The following NUFIP2 variants were observed in gnomAD, a reference collection of about 807,000 sequenced individuals.
The protein encoded by NUFIP2 is nuclear FMR1 interacting protein 2, also known as FMR1-interacting protein NUFIP2.
In NUFIP2, 6 loss-of-function variants were observed where a neutral mutation model predicts 56.9. The observed-to-expected ratio is 0.11, with a 90% CI of 0.06 to 0.21. The LOEUF (loss-of-function observed/expected upper bound fraction) is 0.21. Ranked by LOEUF, NUFIP2 falls within the 10% of genes least tolerant of loss-of-function variation. The probability of loss-of-function intolerance (pLI) is 1.00; values close to 1 mark genes in which losing one functional copy is unlikely to be tolerated. For synonymous variants in NUFIP2, 321 were observed against 298.2 expected (o/e 1.08, Z -0.79); for missense variants, 828 against 826.8 (o/e 1.00, Z -0.02).
Position 29,286,676 on chromosome 17 carries a change from C to T in NUFIP2, c.1318G>A (p.Ala440Thr). 2 of 1,614,136 alleles carry T rather than the reference C, an allele frequency of 1.2e-6. No individual in the cohort carries two copies. The highest frequency in any genetic ancestry group is 1.7e-6 in the Non-Finnish European group (2 of 1,180,014). The change falls in exon 2 of 4, where the codon GCT (alanine) becomes ACT (threonine). Residue 440 changes from alanine to threonine, a missense_variant. Ala to Thr is a moderately conservative substitution (Grantham distance 58). This residue lies in a region of NUFIP2 where 404 missense variants were observed against 380.3 expected (regional missense o/e 1.06). Coordinates refer to ENST00000225388, the MANE Select transcript of NUFIP2 (RefSeq NM_020772.3). The stretch of plus-strand genomic sequence containing the variant: ...GAAGAGATGGGTGTTAGAGTATTAG[C>T]AGCAGTAGTTAGCAGTGGCTGACCC... ...PGGQPLLTTAANTLTPISSGT... is the reference protein window; with the variant it reads ...PGGQPLLTTATNTLTPISSGT...
intron 2 of NUFIP2, among the ~76,000 whole-genome samples, chr17:29,268,689 GTATA>G (rs1364198052): frequency 6.6e-6 from 1 of 151,526 alleles, no homozygotes; most frequent in Non-Finnish European, 1.5e-5. Flanking sequence ...AGATAATTTT[GTATA>G]TATATATTTT....
rs567056672 is a variant in NUFIP2 at position 29,292,172 on chromosome 17, A to G, written c.277+1611T>C. 2.6e-4 allele frequency among the ~76,000 whole-genome samples: 39 copies of G among 152,286 alleles called. No individual in the cohort carries two copies. In the South Asian group the frequency reaches 8.1e-3, roughly 32 times the overall value. ...TTTGGGGATCAATATCGATTTTAAA[A>G]TACGAAAAACACCTTTCTTTTTAAC... On this transcript the variant is annotated intron_variant, in intron 1 of 3. Coordinates refer to ENST00000225388, the MANE Select transcript of NUFIP2 (RefSeq NM_020772.3).
rs774314746 is a variant in NUFIP2 at position 29,294,086 on chromosome 17, A to G, written c.-27T>C. 5 of 1,572,904 alleles carry G rather than the reference A, an allele frequency of 3.2e-6. No individual in the cohort carries two copies. The highest frequency in any genetic ancestry group is 2.7e-5 in the African/African-American group (2 of 74,376). ...GAAAGCGGCTGGGACTCCCTGGCTG[A>G]GGCTGCGGGCTGCTGCACCGTCAGG... On this transcript the variant is annotated 5_prime_UTR_variant, in exon 1 of 4. Transcript: ENST00000225388.
intron 2 of NUFIP2, among the ~76,000 whole-genome samples, chr17:29,281,140 A>C (rs2069137203): frequency 6.7e-6 from 1 of 149,378 alleles, no homozygotes; most frequent in South Asian, 2.1e-4. Context: ...ATATGTATAT[A>C]TACATATATA....
Position 29,294,131 on chromosome 17 carries a change from G to A in NUFIP2, c.-72C>T, listed in dbSNP as rs142467294. 0.016 allele frequency: 24,599 copies of A among 1,521,862 alleles called. 271 individuals are homozygous for A. The highest frequency in any genetic ancestry group is 0.02 in the Middle Eastern group (88 of 4,494). 94.3% of individuals were successfully genotyped at this position (1,521,862 alleles called of 1,614,324 possible). A position where few individuals can be genotyped will look rare whatever the true frequency, so the allele number is the denominator to read the frequency against. ...GTCAGGATCTGAGACTGCTTCTCAGGGCTCACTCAGTATATCTGAGCGCGT... is the reference window on the plus strand; with the variant it reads ...GTCAGGATCTGAGACTGCTTCTCAGAGCTCACTCAGTATATCTGAGCGCGT... On this transcript the variant is annotated 5_prime_UTR_variant, in exon 1 of 4. Transcript: ENST00000225388.
intron 1 of NUFIP2, among the ~76,000 whole-genome samples, chr17:29,293,034 G>T (rs2069227825): frequency 6.6e-6 from 1 of 151,522 alleles, no homozygotes; most frequent in South Asian, 2.1e-4. Context: ...GGCCGGAGTC[G>T]GTGACAGGAA....
chr17:29,289,044 G>A lies in NUFIP2; in HGVS notation c.278-1328C>T, dbSNP rs1488047192. On this transcript the variant is annotated intron_variant, in intron 1 of 3. Transcript: ENST00000225388. ...TATACTCCCAGCTGGGGGAGCTGAG[G>A]GAGGAGGATAGCTTGAACCCAGGAG... Among the ~76,000 whole-genome samples the A allele has an allele frequency of 7.2e-5, 11 of 152,252 alleles. No homozygotes were observed. In the East Asian group the frequency reaches 1.9e-3, roughly 27 times the overall value.
intron 2 of NUFIP2, among the ~76,000 whole-genome samples, chr17:29,279,449 T>C (rs1216007634): frequency 6.6e-6 from 1 of 152,196 alleles, no homozygotes; most frequent in Non-Finnish European, 1.5e-5. Context: ...GATCTTCTAG[T>C]CAACAGAAAA....
rs1213793741 is a variant in NUFIP2, at chr17:29,259,785, GTTT to G, written c.*4751_*4753del. On this transcript the variant is annotated 3_prime_UTR_variant, in exon 4 of 4. Coordinates refer to ENST00000225388, the MANE Select transcript of NUFIP2 (RefSeq NM_020772.3). Reference sequence around the variant, plus strand: ...ACATACCAATCATGCTGCAATGGGTGTTTTTATTATGCAGACAACCGAAAATTC... The same window carrying G: ...ACATACCAATCATGCTGCAATGGGTGTTATTATGCAGACAACCGAAAATTC... 1 of 152,172 alleles carries G rather than the reference GTTT, an allele frequency of 6.6e-6. No homozygotes were observed. Among genetic ancestry groups the G allele is most frequent in the African/African-American group, 2.4e-5 (1 of 41,444 alleles). 9.4% of individuals were successfully genotyped at this position (152,172 alleles called of 1,614,324 possible). A position where few individuals can be genotyped will look rare whatever the true frequency, so the allele number is the denominator to read the frequency against.
intron 2 of NUFIP2, among the ~76,000 whole-genome samples, chr17:29,271,796 C>T (rs373009784): frequency 2.6e-5 from 4 of 151,874 alleles, no homozygotes; most frequent in East Asian, 1.9e-4. Context: ...CATGGCCGGG[C>T]GCGGTGGCTC....
At chr17:29,277,466 A>T (rs2069114662) in intron 2 of NUFIP2, among the ~76,000 whole-genome samples, 1 of 152,164 alleles carries the variant, frequency 6.6e-6, no homozygotes, top group African/African-American at 2.4e-5. Context: ...CCAATCCCTT[A>T]TTAAGCCATT....
In NUFIP2 at chr17:29,286,346, C is replaced by T. The variant is rs1477686857; in HGVS notation, c.1648G>A (p.Glu550Lys). 1.2e-6 allele frequency: 2 copies of T among 1,614,188 alleles called. No individual in the cohort carries two copies. The change falls in exon 2 of 4, where the codon GAA (glutamate) becomes AAA (lysine). Residue 550 changes from glutamate to lysine, a missense_variant. Around this residue, in one of 3 missense-constraint regions of NUFIP2, gnomAD observed 404 missense variants for 380.3 expected, o/e 1.06. Transcript: ENST00000225388. The stretch of plus-strand genomic sequence containing the variant: ...TGCTCAGTTCCTGAGGGAATTATTT[C>T]AGCACCCTGTGAAACCAAAGTAGCA... ...YPATLVSQGA[E>K]IIPSGTEHPV... is the part of the protein sequence containing the mutation.
rs555764057 is a variant in NUFIP2, at chr17:29,258,329, A to G, written c.*6210T>C. 6 of 152,320 alleles carry G rather than the reference A, an allele frequency of 3.9e-5. No homozygotes were observed. The South Asian group carries it at 1.0e-3, about 26-fold the overall frequency. The allele number at this position is 152,320 out of a possible 1,614,324, so 9.4% of individuals were successfully genotyped here. On this transcript the variant is annotated 3_prime_UTR_variant, in exon 4 of 4. Coordinates refer to ENST00000225388, the MANE Select transcript of NUFIP2 (RefSeq NM_020772.3). ...TTCTTCTTGTCAAGTAGCATTCACT[A>G]AAGTTTTCCTTTGCTAAGTAAAAAG...
At chr17:29,293,733 C>G in intron 1 of NUFIP2, 50 bp downstream of exon 1, 1 of 1,238,488 alleles carries the variant, frequency 8.1e-7, no homozygotes, top group Non-Finnish European at 1.1e-6. Context: ...CCCCATCTCT[C>G]CTGTCCTCCA....
At chr17:29,280,384 A>G (rs1408476349) in intron 2 of NUFIP2, among the ~76,000 whole-genome samples, 2 of 152,202 alleles carry the variant, frequency 1.3e-5, no homozygotes, top group East Asian at 1.9e-4. Context: ...GCATTCTGAG[A>G]TAACTACTTT....
In NUFIP2 at chr17:29,264,470, A is replaced by G; in HGVS notation, c.*69T>C. On this transcript the variant is annotated 3_prime_UTR_variant, in exon 4 of 4. Coordinates refer to ENST00000225388, the MANE Select transcript of NUFIP2 (RefSeq NM_020772.3). ...CTGCGTTGAAGATCTAGGAGCATAA[A>G]AGCCTTGTGTCCCCCATGAACGATG... is the stretch of plus-strand genomic sequence containing the variant. The G allele has an allele frequency of 9.9e-7, 1 of 1,006,692 alleles. No individual in the cohort carries two copies. The highest frequency in any genetic ancestry group is 1.6e-6 in the Non-Finnish European group (1 of 644,968). The allele number at this position is 1,006,692 out of a possible 1,614,324, so 62.4% of individuals were successfully genotyped here.
intron 2 of NUFIP2, among the ~76,000 whole-genome samples, chr17:29,284,713 A>AG (rs1403271254): frequency 6.7e-6 from 1 of 150,364 alleles, no homozygotes; most frequent in Non-Finnish European, 1.5e-5. Flanking sequence ...TCTCAAAAAA[A>AG]AAAAAAAAAA....
chr17:29,291,514 C>T (rs1174488914), intron 1 of NUFIP2, among the ~76,000 whole-genome samples: 1 of 152,202 alleles, frequency 6.6e-6, no homozygotes, highest in African/African-American at 2.4e-5. Context: ...AAACTGTTTA[C>T]ATTCTGTCAA....
chr17:29,283,709 C>T (rs750673053), intron 2 of NUFIP2, among the ~76,000 whole-genome samples: 21 of 152,162 alleles, frequency 1.4e-4, no homozygotes, highest in South Asian at 2.1e-4. Flanking sequence ...AGAGGGCAGA[C>T]GGCACAGAAA....
Sources: gnomAD v4.1 joint callset for allele counts (sites outside exome capture counted in the v4.1 genomes callset) on GRCh38, gnomAD v4.1.1 for gene constraint, gnomAD v4.1.1 regional missense constraint, MANE v1.5 for transcripts, NCBI Gene and HGNC (gene_info 2026-07-23, HGNC 2026-07-21) for gene names.